The following CFAP52 variants were observed in gnomAD, a reference collection of about 807,000 sequenced individuals.
CFAP52 encodes cilia and flagella associated protein 52.
CFAP52 carries 57 observed loss-of-function variants against 70.5 expected under a neutral mutation model. The ratio of observed to expected loss-of-function variants is 0.81; its 90% confidence interval spans 0.65 to 1.01. The LOEUF is 1.01. CFAP52 is among the 50% of genes least tolerant of loss of function. CFAP52 has a pLI of 0.00. For missense variants in CFAP52, 785 were observed against 788.5 expected (o/e 1.00, Z 0.05); for synonymous variants, 267 against 292.5 (o/e 0.91, Z 0.89).
chr17:9,579,172 C>T (rs1311580135), intron 1 of CFAP52, among the ~76,000 whole-genome samples: 1 of 151,768 alleles, frequency 6.6e-6, no homozygotes, highest in African/African-American at 2.4e-5. Context: ...TTTGTCTTCA[C>T]TGAAAAATGT....
chr17:9,577,002 C>G (rs1032118629), intron 1 of CFAP52, among the ~76,000 whole-genome samples: 3 of 152,180 alleles, frequency 2.0e-5, no homozygotes, highest in Non-Finnish European at 4.4e-5. Flanking sequence ...CTCGGACAAG[C>G]GCCAGCACCT....
At chr17:9,584,489 A>G (rs1908362274) in intron 1 of CFAP52, 1 of 583,738 alleles carries the variant, frequency 1.7e-6, no homozygotes, top group African/African-American at 2.0e-5. Context: ...GTGTTGATAG[A>G]CATATACATT....
intron 13 of CFAP52, among the ~76,000 whole-genome samples, chr17:9,642,112 A>G (rs1336752453): frequency 2.0e-5 from 3 of 152,230 alleles, no homozygotes; most frequent in African/African-American, 7.2e-5. Context: ...GGGCATTGAT[A>G]ATAGAAATGG....
intron 1 of CFAP52, among the ~76,000 whole-genome samples, chr17:9,582,649 T>C (rs1908275372): frequency 6.6e-6 from 1 of 152,194 alleles, no homozygotes; most frequent in Admixed American, 6.5e-5. Context: ...AATTTTTTGA[T>C]TTTTTGAGAA....
intron 3 of CFAP52, chr17:9,590,456 C>T: frequency 5.1e-6 from 1 of 196,994 alleles, no homozygotes; most frequent in Non-Finnish European, 1.1e-5. Context: ...TAGAGGCAAG[C>T]CCCTTCTGAA....
chr17:9,645,237 A>G (rs1395752324), downstream of CFAP52: 2 of 154,834 alleles, frequency 1.3e-5, no homozygotes, highest in African/African-American at 4.8e-5. The surrounding 1 kb of genome is among the most constrained non-coding windows in gnomAD (Gnocchi z 6.8). Context: ...GGCCTTTACC[A>G]TTTACTAGGC....
intron 6 of CFAP52, 52 bp from the exon 7 acceptor site, chr17:9,608,067 T>A: frequency 6.7e-7 from 1 of 1,484,538 alleles, no homozygotes; most frequent in East Asian, 2.3e-5. Flanking sequence ...CATTCTTTAG[T>A]GGTGATTTGT....
chr17:9,598,114 C>A (rs1323361375), intron 4 of CFAP52, 120 bp from the exon 5 acceptor site: 1 of 706,014 alleles, frequency 1.4e-6, no homozygotes, highest in Admixed American at 2.5e-5. Flanking sequence ...TTTCATAGTG[C>A]ACTAGGCCAT....
intron 8 of CFAP52, among the ~76,000 whole-genome samples, chr17:9,627,250 C>G (rs1455119736): frequency 6.6e-6 from 1 of 152,084 alleles, no homozygotes; most frequent in Non-Finnish European, 1.5e-5. Context: ...TGGCTCACAC[C>G]TGTAATCCCA....
At chr17:9,579,416 GA>G (rs1002616383) in intron 1 of CFAP52, among the ~76,000 whole-genome samples, 4 of 152,118 alleles carry the variant, frequency 2.6e-5, no homozygotes, top group Admixed American at 6.5e-5. Context: ...GGACTGGCAG[GA>G]TAACACAGGA....
chr17:9,607,772 TAGGG>T (rs1909554257), intron 6 of CFAP52, among the ~76,000 whole-genome samples: 1 of 152,108 alleles, frequency 6.6e-6, no homozygotes. Flanking sequence ...CCAGTGGTTT[TAGGG>T]AGGAAGGATG....
rs375072760 is a variant in CFAP52, at chr17:9,608,104, A to C, written c.754-15A>C. 3 of 1,599,702 alleles carry C rather than the reference A, an allele frequency of 1.9e-6. No homozygotes were observed. The highest frequency in any genetic ancestry group is 2.6e-6 in the Non-Finnish European group (3 of 1,171,310). On this transcript the variant is annotated splice_polypyrimidine_tract_variant and intron_variant, in intron 6 of 13. Coordinates refer to ENST00000352665, the MANE Select transcript of CFAP52 (RefSeq NM_145054.5). ...AGATTTTTGTGCTTTTTCTTAACAC[A>C]GTTTTTCCCCCTAGGGAGTGTCAGC...
At chr17:9,622,919 A>G (rs1480158135) in intron 8 of CFAP52, among the ~76,000 whole-genome samples, 2 of 152,052 alleles carry the variant, frequency 1.3e-5, no homozygotes, top group East Asian at 1.9e-4. Context: ...TAAATAGAAT[A>G]TTTCAATATG....
At chr17:9,582,196 A>G (rs1448479496) in intron 1 of CFAP52, among the ~76,000 whole-genome samples, 1 of 152,178 alleles carries the variant, frequency 6.6e-6, no homozygotes, top group East Asian at 1.9e-4. Flanking sequence ...GTCCTGGGGC[A>G]TGTGCGCATT....
chr17:9,585,423 CT>C (rs1410030111), intron 1 of CFAP52, among the ~76,000 whole-genome samples: 1 of 152,080 alleles, frequency 6.6e-6, no homozygotes, highest in Non-Finnish European at 1.5e-5. Flanking sequence ...AATCCCAGCA[CT>C]TTGGGAGGCT....
chr17:9,578,967 CA>C (rs1908093735), intron 1 of CFAP52, among the ~76,000 whole-genome samples: 2 of 152,094 alleles, frequency 1.3e-5, no homozygotes, highest in Admixed American at 1.3e-4. Context: ...GTCTAAACCA[CA>C]AAAGAGAGGG....
In CFAP52 at chr17:9,586,583, AAAG is replaced by A. The variant is rs1186047519; in HGVS notation, c.271-112_271-110del. 18 of 1,354,598 alleles carry A rather than the reference AAAG, an allele frequency of 1.3e-5. No homozygotes were observed. In the African/African-American group the frequency reaches 1.7e-4, roughly 13 times the overall value. The allele number at this position is 1,354,598 out of a possible 1,614,324, so 83.9% of individuals were successfully genotyped here. On this transcript the variant is annotated intron_variant, in intron 2 of 13. Coordinates refer to ENST00000352665, the MANE Select transcript of CFAP52 (RefSeq NM_145054.5). Reference sequence around the variant, plus strand: ...TCCGTCTCAACAAAAAAAAAAAAAAAAAGAAAGAAAAAAGAAAAGTGACAGTAC... The same window carrying A: ...TCCGTCTCAACAAAAAAAAAAAAAAAAAAGAAAAAAGAAAAGTGACAGTAC...
At chr17:9,623,129 G>A (rs1910111709) in intron 8 of CFAP52, among the ~76,000 whole-genome samples, 1 of 151,760 alleles carries the variant, frequency 6.6e-6, no homozygotes. Context: ...TCTGTTATTA[G>A]GTGCTGTTAA....
intron 1 of CFAP52, among the ~76,000 whole-genome samples, chr17:9,584,661 A>C (rs1182982461): frequency 6.6e-6 from 1 of 152,038 alleles, no homozygotes; most frequent in Admixed American, 6.6e-5. Context: ...TGCTCTTGTC[A>C]ACCAGGCTGG....
Sources: gnomAD v4.1 joint callset for allele counts (sites outside exome capture counted in the v4.1 genomes callset) on GRCh38, gnomAD v4.1.1 for gene constraint, Gnocchi (gnomAD v3.1) non-coding constraint, MANE v1.5 for transcripts, NCBI Gene and HGNC (gene_info 2026-07-23, HGNC 2026-07-21) for gene names.